The following LOC400499 variants were observed in gnomAD, a reference collection of about 807,000 sequenced individuals.
At chr16:11,506,123 G>A in the LOC400499 span, among the ~76,000 whole-genome samples, 3 of 151,910 alleles carry the variant, frequency 2.0e-5, no homozygotes, top group East Asian at 5.8e-4. Flanking sequence ...TGTAACCTCC[G>A]CCTCCTGGGT....
chr16:11,475,982 T>G, the LOC400499 span, among the ~76,000 whole-genome samples: 1 of 152,088 alleles, frequency 6.6e-6, no homozygotes. Context: ...GGGCCTCCCC[T>G]AGCTGGAGTA....
chr16:11,412,489 G>A, the LOC400499 span, among the ~76,000 whole-genome samples: 2 of 152,220 alleles, frequency 1.3e-5, no homozygotes, highest in East Asian at 1.9e-4. Context: ...GAGACCTGAG[G>A]GCTAGAGCCT....
chr16:11,427,944 C>T, the LOC400499 span, among the ~76,000 whole-genome samples: 1 of 152,102 alleles, frequency 6.6e-6, no homozygotes, highest in Non-Finnish European at 1.5e-5. Flanking sequence ...GGATGTGTTA[C>T]AGGAAAGGGG....
At chr16:11,437,460 G>A in the LOC400499 span, among the ~76,000 whole-genome samples, 1 of 152,224 alleles carries the variant, frequency 6.6e-6, no homozygotes, top group Non-Finnish European at 1.5e-5. Flanking sequence ...TCAGAAGGCT[G>A]TGGTGAAAGG....
the LOC400499 span, chr16:11,407,293 G>A: frequency 5.0e-6 from 2 of 398,538 alleles, no homozygotes; most frequent in Non-Finnish European, 4.4e-6. Flanking sequence ...GCTCCTCCAC[G>A]CCCAAGGCGA....
At chr16:11,490,709 A>G in the LOC400499 span, among the ~76,000 whole-genome samples, 7 of 152,230 alleles carry the variant, frequency 4.6e-5, no homozygotes, top group Non-Finnish European at 8.8e-5. Context: ...TCAAAAAACA[A>G]AACAAAACAA....
chr16:11,472,116 A>G, the LOC400499 span: 6 of 298,090 alleles, frequency 2.0e-5, no homozygotes, highest in Non-Finnish European at 3.7e-5. Context: ...ACCAACAACC[A>G]AATATTTCTG....
chr16:11,384,477 C>T, the LOC400499 span, among the ~76,000 whole-genome samples: 1 of 152,216 alleles, frequency 6.6e-6, no homozygotes, highest in East Asian at 1.9e-4. Flanking sequence ...ACTCCTGGAG[C>T]CCAGGCCCTG....
chr16:11,469,505 T>G, the LOC400499 span: 1 of 399,056 alleles, frequency 2.5e-6, no homozygotes, highest in Non-Finnish European at 4.4e-6. Context: ...ACGTTGACAT[T>G]ACCGTCCAGC....
the LOC400499 span, among the ~76,000 whole-genome samples, chr16:11,481,329 C>CT: frequency 1.1e-3 from 162 of 150,264 alleles, 1 homozygote; most frequent in African/African-American, 3.1e-3. Context: ...GAATTGTTCA[C>CT]TTTTTTTTTT....
the LOC400499 span, chr16:11,502,206 G>C: frequency 5.0e-6 from 2 of 399,064 alleles, no homozygotes; most frequent in East Asian, 3.6e-5. Flanking sequence ...GGCAGCATGA[G>C]ACACCCAGCA....
chr16:11,489,480 G>C, the LOC400499 span, among the ~76,000 whole-genome samples: 33 of 137,630 alleles, frequency 2.4e-4, no homozygotes, highest in African/African-American at 9.4e-4. Flanking sequence ...GATCAAATAA[G>C]AGCCTCAGGG....
the LOC400499 span, among the ~76,000 whole-genome samples, chr16:11,418,532 G>T: frequency 6.6e-6 from 1 of 152,124 alleles, no homozygotes; most frequent in Non-Finnish European, 1.5e-5. Flanking sequence ...GCCCTATATT[G>T]TCTAAAAAGG....
At chr16:11,418,600 T>C in the LOC400499 span, among the ~76,000 whole-genome samples, 2 of 152,192 alleles carry the variant, frequency 1.3e-5, no homozygotes, top group African/African-American at 4.8e-5. Flanking sequence ...GCCATAAAAA[T>C]GGGCAACCAG....
the LOC400499 span, among the ~76,000 whole-genome samples, chr16:11,458,819 G>A: frequency 0.012 from 1,896 of 152,168 alleles, 14 homozygotes; most frequent in Non-Finnish European, 0.017. Context: ...CGGATCACCT[G>A]AGGTCAGGAG....
the LOC400499 span, among the ~76,000 whole-genome samples, chr16:11,426,155 G>A: frequency 1.3e-5 from 2 of 152,316 alleles, no homozygotes; most frequent in East Asian, 1.9e-4. Context: ...ATAAAAACTG[G>A]CCAGGCGCGG....
chr16:11,460,573 G>C, the LOC400499 span: 11 of 1,535,358 alleles, frequency 7.2e-6, no homozygotes, highest in East Asian at 2.4e-5. Flanking sequence ...GCAGCTTCTG[G>C]CTGGTGCTGC....
chr16:11,401,085 G>C, the LOC400499 span, among the ~76,000 whole-genome samples: 2 of 152,354 alleles, frequency 1.3e-5, no homozygotes, highest in South Asian at 2.1e-4. Flanking sequence ...ATTGATAAAG[G>C]AATGATTGAA....
the LOC400499 span, among the ~76,000 whole-genome samples, chr16:11,420,017 A>C: frequency 6.7e-6 from 1 of 150,162 alleles, no homozygotes; most frequent in Admixed American, 6.6e-5. Flanking sequence ...TAGTTCAACC[A>C]TTGTGGAAGT....
Sources: allele counts gnomAD v4.1 joint callset (sites outside exome capture counted in the v4.1 genomes callset), GRCh38; gene constraint gnomAD v4.1.1; transcripts MANE v1.5.